The following NKAIN3 variants were observed in gnomAD, a reference collection of about 807,000 sequenced individuals.
The protein encoded by NKAIN3 is sodium/potassium transporting ATPase interacting 3.
A neutral mutation model predicts 30.2 loss-of-function variants in NKAIN3; 25 were observed. That is an observed-to-expected ratio of 0.83 (90% CI 0.60 to 1.16). The LOEUF is 1.16. NKAIN3 is among the 50% of genes most tolerant of loss of function. The pLI, the probability that NKAIN3 is intolerant of heterozygous loss-of-function variation, is 0.00. For synonymous variants in NKAIN3, 91 were observed against 89.6 expected (o/e 1.02, Z -0.09); for missense variants, 225 against 254.1 (o/e 0.89, Z 0.78).
chr8:62,342,249 A>AAAAG (rs1437534917), intron 1 of NKAIN3, among the ~76,000 whole-genome samples: 4 of 151,082 alleles, frequency 2.6e-5, no homozygotes, highest in Non-Finnish European at 4.4e-5. Context: ...AAAAAAAAAA[A>AAAAG]AGAGATAGAA....
chr8:62,798,034 G>C (rs1817921354), intron 4 of NKAIN3, among the ~76,000 whole-genome samples: 1 of 152,124 alleles, frequency 6.6e-6, no homozygotes, highest in Admixed American at 6.5e-5. Context: ...TGGTGTTATT[G>C]TAGTCATTTT....
chr8:62,870,232 AT>A (rs1820565776), intron 4 of NKAIN3, among the ~76,000 whole-genome samples: 17 of 141,404 alleles, frequency 1.2e-4, no homozygotes, highest in Admixed American at 1.2e-3. Context: ...ATATCTATAT[AT>A]AGATATCTAT....
intron 3 of NKAIN3, among the ~76,000 whole-genome samples, chr8:62,590,584 A>G (rs1479748908): frequency 5.3e-5 from 8 of 151,912 alleles, no homozygotes; most frequent in Admixed American, 5.3e-4. Flanking sequence ...ACTTCTCATT[A>G]TCAAATATAT....
At chr8:62,296,892 A>G (rs930863137) in intron 1 of NKAIN3, among the ~76,000 whole-genome samples, 1 of 151,768 alleles carries the variant, frequency 6.6e-6, no homozygotes, top group African/African-American at 2.4e-5. Flanking sequence ...GGCTTTGCCT[A>G]TTTTTCTACT....
At chr8:62,478,080 C>T (rs906925120) in intron 1 of NKAIN3, among the ~76,000 whole-genome samples, 2 of 152,174 alleles carry the variant, frequency 1.3e-5, no homozygotes, top group Non-Finnish European at 2.9e-5. Context: ...CCCAAATCCT[C>T]ATCTCCAAAA....
intron 1 of NKAIN3, chr8:62,473,438 A>G (rs1434057782): frequency 6.6e-6 from 1 of 152,184 alleles, no homozygotes; most frequent in Non-Finnish European, 1.5e-5. Context: ...AACCTGAGGA[A>G]AAACATAAAA....
intron 3 of NKAIN3, among the ~76,000 whole-genome samples, chr8:62,725,101 G>A (rs1165547331): frequency 2.0e-5 from 3 of 152,106 alleles, no homozygotes; most frequent in East Asian, 3.9e-4. Context: ...ATATCTCATT[G>A]TAGTTTTGAT....
chr8:62,575,729 A>G (rs1810088843), intron 1 of NKAIN3, among the ~76,000 whole-genome samples: 1 of 152,188 alleles, frequency 6.6e-6, no homozygotes, highest in Admixed American at 6.6e-5. Flanking sequence ...ACAGAGCTAT[A>G]GTAACTGAAA....
At chr8:62,843,196 G>C (rs1819580722) in intron 4 of NKAIN3, among the ~76,000 whole-genome samples, 1 of 151,858 alleles carries the variant, frequency 6.6e-6, no homozygotes, top group Non-Finnish European at 1.5e-5. Context: ...GTAGTTTAAA[G>C]GGGACCCAGA....
Position 62,728,632 on chromosome 8 carries a change from T to G in NKAIN3, c.274-18300T>G, listed in dbSNP as rs895101561. Among the ~76,000 whole-genome samples the G allele has an allele frequency of 2.0e-5, 3 of 151,388 alleles. No individual in the cohort carries two copies. In the South Asian group the frequency reaches 6.2e-4, roughly 31 times the overall value. On this transcript the variant is annotated intron_variant, in intron 3 of 6. Transcript: ENST00000623646. Reference sequence around the variant, plus strand: ...TTGAGCGGAGATCGCGCCATTGCACTCCAGCCTGGGCGACAAGAACGAAAC... The same window carrying G: ...TTGAGCGGAGATCGCGCCATTGCACGCCAGCCTGGGCGACAAGAACGAAAC...
chr8:62,784,126 TA>T (rs1325377632), intron 4 of NKAIN3, among the ~76,000 whole-genome samples: 1 of 152,020 alleles, frequency 6.6e-6, no homozygotes, highest in Non-Finnish European at 1.5e-5. Context: ...AAGACACAGC[TA>T]ACACAGTTAT....
intron 1 of NKAIN3, among the ~76,000 whole-genome samples, chr8:62,484,503 A>C (rs1330444275): frequency 1.3e-5 from 2 of 152,084 alleles, no homozygotes; most frequent in African/African-American, 4.8e-5. Context: ...TGTGATTTTT[A>C]ATAGAGAGGG....
downstream of NKAIN3, among the ~76,000 whole-genome samples, chr8:62,987,691 T>C (rs1824232514): frequency 6.6e-6 from 1 of 152,172 alleles, no homozygotes; most frequent in South Asian, 2.1e-4. Flanking sequence ...ATGGGAATTA[T>C]GACAGCTACA....
intron 4 of NKAIN3, among the ~76,000 whole-genome samples, chr8:62,792,428 T>C (rs1405600912): frequency 6.6e-6 from 1 of 152,198 alleles, no homozygotes; most frequent in Non-Finnish European, 1.5e-5. Flanking sequence ...AGAGAAAGCA[T>C]ACATTTGCAA....
At chr8:62,354,679 G>C (rs1395733657) in intron 1 of NKAIN3, among the ~76,000 whole-genome samples, 2 of 152,146 alleles carry the variant, frequency 1.3e-5, no homozygotes, top group Non-Finnish European at 2.9e-5. Context: ...CTGACCTCAG[G>C]TGATCAACCT....
chr8:62,914,411 C>T (rs1188194063), intron 4 of NKAIN3, among the ~76,000 whole-genome samples: 3 of 152,090 alleles, frequency 2.0e-5, no homozygotes, highest in East Asian at 1.9e-4. Context: ...TTAATACCTG[C>T]GTGATGAAAT....
At position 62,248,946 on chromosome 8, in the gene NKAIN3, G is replaced by C. The variant is rs1335119282; in HGVS notation, c.-128G>C. 4 of 816,244 alleles carry C rather than the reference G, an allele frequency of 4.9e-6. No individual in the cohort carries two copies. The highest frequency in any genetic ancestry group is 5.5e-6 in the Non-Finnish European group (3 of 549,516). 50.6% of individuals were successfully genotyped at this position (816,244 alleles called of 1,614,324 possible). A position where few individuals can be genotyped will look rare whatever the true frequency, so the allele number is the denominator to read the frequency against. On this transcript the variant is annotated 5_prime_UTR_variant, in exon 1 of 7. Transcript: ENST00000623646. ...GGCGCGAGCCCCGAGCCCTGGAGCC[G>C]CGAGCGGCGGCCGCGGGGCCGAGGA...
chr8:62,345,672 G>T, intron 1 of NKAIN3, among the ~76,000 whole-genome samples: 1 of 144,244 alleles, frequency 6.9e-6, no homozygotes, highest in African/African-American at 2.6e-5. Context: ...TGTATACCTG[G>T]AATATATATA....
intron 3 of NKAIN3, among the ~76,000 whole-genome samples, chr8:62,701,626 A>G (rs1354214957): frequency 6.6e-6 from 1 of 152,162 alleles, no homozygotes; most frequent in Non-Finnish European, 1.5e-5. Flanking sequence ...CAACAGAATT[A>G]TATGTGGAAA....
Sources: gnomAD v4.1 joint callset for allele counts (sites outside exome capture counted in the v4.1 genomes callset) on GRCh38, gnomAD v4.1.1 for gene constraint, MANE v1.5 for transcripts, NCBI Gene and HGNC (gene_info 2026-07-23, HGNC 2026-07-21) for gene names.